ANKRD30B: variants seen among roughly 807,000 people sequenced by gnomAD.
ANKRD30B encodes the protein ankyrin repeat domain-containing protein 30B.
In ANKRD30B, 144 loss-of-function variants were observed where a neutral mutation model predicts 202.2. The observed-to-expected ratio is 0.71, with a 90% confidence interval of 0.62 to 0.82. The LOEUF (loss-of-function observed/expected upper bound fraction) is 0.82. Ranked by LOEUF, ANKRD30B falls within the 40% of genes least tolerant of loss-of-function variation. The pLI is 0.00. For missense variants in ANKRD30B, 1,487 were observed against 1,669.1 expected (o/e 0.89, Z 1.90); for synonymous variants, 508 against 561.3 (o/e 0.91, Z 1.34).
chr18:14,806,216 C>A (rs1474655165), intron 24 of ANKRD30B, among the ~76,000 whole-genome samples: 2 of 110,372 alleles, frequency 1.8e-5, no homozygotes, highest in African/African-American at 6.9e-5. Flanking sequence ...CGAGACACCG[C>A]CAAAAAAAAA....
the ANKRD30B span, among the ~76,000 whole-genome samples, chr18:14,867,907 T>C: frequency 1.3e-5 from 2 of 152,370 alleles, no homozygotes; most frequent in Non-Finnish European, 2.9e-5. Flanking sequence ...TTGTAGGTTT[T>C]TCTGGCATTG....
chr18:14,873,158 G>A, the ANKRD30B span, among the ~76,000 whole-genome samples: 8 of 152,076 alleles, frequency 5.3e-5, no homozygotes, highest in African/African-American at 1.4e-4. Context: ...TGTGGTAAAG[G>A]GAAGACTTCA....
chr18:14,909,370 A>G, the ANKRD30B span, among the ~76,000 whole-genome samples: 4,986 of 152,184 alleles, frequency 0.033, 134 homozygotes, highest in Non-Finnish European at 0.05. Flanking sequence ...TGAACAGTCA[A>G]TATTGTTTAA....
At chr18:14,862,578 C>T in the ANKRD30B span, among the ~76,000 whole-genome samples, 1 of 152,222 alleles carries the variant, frequency 6.6e-6, no homozygotes, top group Non-Finnish European at 1.5e-5. Flanking sequence ...CAAAAGTCCA[C>T]TAGGGCAGTG....
the ANKRD30B span, among the ~76,000 whole-genome samples, chr18:14,860,909 C>A: frequency 6.6e-6 from 1 of 152,050 alleles, no homozygotes; most frequent in South Asian, 2.1e-4. Flanking sequence ...TCATGTTGGC[C>A]AGGCTGGTCT....
chr18:14,782,466 G>C (rs1211346099), intron 11 of ANKRD30B, 61 bp from the exon 12 acceptor site: 1 of 1,151,674 alleles, frequency 8.7e-7, no homozygotes. Flanking sequence ...TTTTAATTAG[G>C]AATTTTGATG....
the ANKRD30B span, among the ~76,000 whole-genome samples, chr18:14,910,751 A>G: frequency 2.0e-5 from 3 of 152,250 alleles, no homozygotes; most frequent in South Asian, 4.1e-4. Context: ...CCAACAGTGT[A>G]TAAGTGTTCT....
the ANKRD30B span, chr18:14,883,441 T>A: frequency 7.8e-6 from 1 of 127,864 alleles, no homozygotes; most frequent in East Asian, 2.4e-4. Context: ...ATATATCTCC[T>A]GTTCTGTATA....
At chr18:14,928,593 G>A in the ANKRD30B span, among the ~76,000 whole-genome samples, 1 of 152,256 alleles carries the variant, frequency 6.6e-6, no homozygotes, top group Non-Finnish European at 1.5e-5. Context: ...CCTTGGAACT[G>A]GAACTGGAAC....
chr18:14,793,810 C>A (rs1322286802), intron 16 of ANKRD30B, among the ~76,000 whole-genome samples: 2 of 151,734 alleles, frequency 1.3e-5, no homozygotes, highest in East Asian at 3.9e-4. Flanking sequence ...AGGAGAATGG[C>A]CTGAACCCGG....
chr18:14,887,711 C>T, the ANKRD30B span, among the ~76,000 whole-genome samples: 1 of 151,730 alleles, frequency 6.6e-6, no homozygotes, highest in African/African-American at 2.4e-5. Context: ...GCATATGAAA[C>T]AGATACAGCT....
At chr18:14,932,213 G>C in the ANKRD30B span, among the ~76,000 whole-genome samples, 1 of 151,658 alleles carries the variant, frequency 6.6e-6, no homozygotes, top group African/African-American at 2.4e-5. Flanking sequence ...GGTGGGGTGG[G>C]GGGCTCCTGC....
rs142846262 is a variant in ANKRD30B, at chr18:14,808,290, A to C, written c.2285-261A>C. On this transcript the variant is annotated intron_variant, in intron 24 of 43. Transcript: ENST00000690538. ...ACTGGTATTAGGATTTTTCTACTTTAGTTATTGTCAGTTGAAATATATTTT... is the reference window on the plus strand; with the variant it reads ...ACTGGTATTAGGATTTTTCTACTTTCGTTATTGTCAGTTGAAATATATTTT... The C allele has an allele frequency of 2.5e-3, 1,163 of 464,970 alleles. 53 individuals are homozygous for C. The highest frequency in any genetic ancestry group is 0.021 in the African/African-American group (1,070 of 49,842). 28.8% of individuals were successfully genotyped at this position (464,970 alleles called of 1,614,324 possible).
Position 14,837,265 on chromosome 18 carries a change from G to C in ANKRD30B, c.2902G>C (p.Glu968Gln). 1.3e-6 allele frequency: 2 copies of C among 1,548,614 alleles called. No homozygotes were observed. The highest frequency in any genetic ancestry group is 1.7e-6 in the Non-Finnish European group (2 of 1,145,470). ...ACAGGAACGTGATATTGGCATTATT[G>C]AACGAGCTCCACAAGATCAAACAAG... ...GQQERDIGII[E>Q]RAPQDQTNKM... Residue 968 changes from glutamate to glutamine, a missense_variant, in exon 35 of 44, where the codon GAA (glutamate) becomes CAA (glutamine). By Grantham distance (29) the Glu-to-Gln change is conservative. Around this residue, in one of 6 missense-constraint regions of ANKRD30B, gnomAD observed 218 missense variants for 320.1 expected, o/e 0.68. Coordinates refer to ENST00000690538, the MANE Select transcript of ANKRD30B (RefSeq NM_001367607.2).
At chr18:14,796,157 C>A (rs1262357590) in intron 16 of ANKRD30B, 64 bp from the exon 17 acceptor site, 1 of 1,448,364 alleles carries the variant, frequency 6.9e-7, no homozygotes, top group Non-Finnish European at 9.7e-7. Flanking sequence ...TCACATTGTA[C>A]GAATGCTTGG....
chr18:14,916,738 T>C, the ANKRD30B span, among the ~76,000 whole-genome samples: 2 of 152,216 alleles, frequency 1.3e-5, no homozygotes, highest in South Asian at 2.1e-4. Context: ...CTAATCAATA[T>C]GTAATGTGAA....
chr18:14,844,617 T>A (rs1250235578), intron 39 of ANKRD30B, among the ~76,000 whole-genome samples: 2 of 152,248 alleles, frequency 1.3e-5, no homozygotes, highest in Non-Finnish European at 2.9e-5. Context: ...GATCGCTGGA[T>A]CAAATGGTAT....
intron 34 of ANKRD30B, 195 bp from the exon 35 acceptor site, chr18:14,837,016 A>G: frequency 4.4e-6 from 2 of 454,218 alleles, no homozygotes; most frequent in Non-Finnish European, 8.0e-6. Context: ...TTTCTTGAAC[A>G]TAAGCCAGAA....
chr18:14,879,510 T>C, the ANKRD30B span, among the ~76,000 whole-genome samples: 1 of 152,222 alleles, frequency 6.6e-6, no homozygotes, highest in Non-Finnish European at 1.5e-5. Flanking sequence ...CAATCAACAT[T>C]GACATAGTCA....
Sources: gnomAD v4.1 joint callset for allele counts (sites outside exome capture counted in the v4.1 genomes callset) on GRCh38, gnomAD v4.1.1 for gene constraint, gnomAD v4.1.1 regional missense constraint, MANE v1.5 for transcripts, NCBI Gene and HGNC (gene_info 2026-07-23, HGNC 2026-07-21) for gene names.